Variants in SLC9C2 observed in about 807,000 individuals in gnomAD.
SLC9C2 encodes the protein solute carrier family 9 member C2 (putative).
SLC9C2 carries 75 observed loss-of-function variants against 140.2 expected under a neutral mutation model. That is an observed-to-expected ratio of 0.53 (90% CI 0.44 to 0.65). SLC9C2 has a LOEUF of 0.65. SLC9C2 is among the 30% of genes least tolerant of loss of function. SLC9C2 has a pLI of 0.00. For synonymous variants in SLC9C2, 375 were observed against 420.9 expected, an observed-to-expected ratio of 0.89 and a Z score of 1.34; for missense variants, 1,074 against 1,331.8, an observed-to-expected ratio of 0.81 and a Z score of 3.01.
chr1:173,526,229 G>T (rs1211370819), intron 19 of SLC9C2, among the ~76,000 whole-genome samples: 2 of 152,204 alleles, frequency 1.3e-5, no homozygotes, highest in African/African-American at 4.8e-5. Context: ...CTCAGGAAAT[G>T]ACATTCGTTG....
intron 25 of SLC9C2, among the ~76,000 whole-genome samples, chr1:173,505,590 AGCAG>A (rs1327633649): frequency 6.6e-6 from 1 of 152,186 alleles, no homozygotes; most frequent in Non-Finnish European, 1.5e-5. Flanking sequence ...CAGTTTGGAA[AGCAG>A]GGAATCCCCA....
At position 173,503,329 on chromosome 1, in the gene SLC9C2, A is replaced by G; in HGVS notation, c.3311-3T>C. The G allele has an allele frequency of 6.2e-7, 1 of 1,612,984 alleles. No individual in the cohort carries two copies. The highest frequency in any genetic ancestry group is 8.5e-7 in the Non-Finnish European group (1 of 1,179,462). On this transcript the variant is annotated splice_region_variant and splice_polypyrimidine_tract_variant and intron_variant, in intron 26 of 27. Coordinates refer to ENST00000367714, the MANE Select transcript of SLC9C2 (RefSeq NM_178527.4). ...TTCAAAGACCGTGTTGACTGAGGCT[A>G]ACCAAATCCAAGCATTGAACAGAAA...
intron 9 of SLC9C2, among the ~76,000 whole-genome samples, chr1:173,568,222 T>C (rs1664615096): frequency 6.6e-6 from 1 of 152,188 alleles, no homozygotes; most frequent in Non-Finnish European, 1.5e-5. Context: ...TATTATTTCA[T>C]CATGAAGGTA....
intron 8 of SLC9C2, among the ~76,000 whole-genome samples, chr1:173,575,262 T>C (rs1465193291): frequency 6.6e-6 from 1 of 152,158 alleles, no homozygotes; most frequent in Non-Finnish European, 1.5e-5. Context: ...GGAGCACTTC[T>C]GAGAAGGGAC....
intron 18 of SLC9C2, among the ~76,000 whole-genome samples, chr1:173,527,395 G>A (rs1374348365): frequency 2.0e-5 from 3 of 152,142 alleles, no homozygotes; most frequent in East Asian, 3.8e-4. Flanking sequence ...ATTTGGCAGT[G>A]AGCCAAGTGA....
intron 9 of SLC9C2, among the ~76,000 whole-genome samples, chr1:173,567,691 C>T (rs889624437): frequency 6.6e-6 from 1 of 152,018 alleles, no homozygotes; most frequent in South Asian, 2.1e-4. Flanking sequence ...CTTACTGCTA[C>T]TATTTTGTTA....
At chr1:173,531,509 C>T (rs532369924) in intron 17 of SLC9C2, among the ~76,000 whole-genome samples, 45 of 152,300 alleles carry the variant, frequency 3.0e-4, no homozygotes, top group Non-Finnish European at 4.9e-4. Context: ...TAGCTCACTG[C>T]AACCATGGCA....
At chr1:173,507,204 G>A (rs1046946667) in intron 24 of SLC9C2, among the ~76,000 whole-genome samples, 163 bp from the exon 25 acceptor site, 8 of 152,158 alleles carry the variant, frequency 5.3e-5, no homozygotes, top group African/African-American at 1.9e-4. Flanking sequence ...AATGGCCTCT[G>A]ACAAATTTCT....
intron 13 of SLC9C2, among the ~76,000 whole-genome samples, chr1:173,540,616 T>A (rs1216723389): frequency 6.6e-6 from 1 of 152,168 alleles, no homozygotes; most frequent in Non-Finnish European, 1.5e-5. Flanking sequence ...CTGGCCAGGC[T>A]GTCACCTGAG....
chr1:173,557,084 AC>A (rs746296879), intron 10 of SLC9C2, among the ~76,000 whole-genome samples: 2 of 152,232 alleles, frequency 1.3e-5, no homozygotes, highest in Non-Finnish European at 2.9e-5. Context: ...CCTCAAGATC[AC>A]CCAGCCTGTG....
In SLC9C2 at chr1:173,550,444, A is replaced by ATT. The variant is rs1382249001; in HGVS notation, c.1298-1894_1298-1893dup. Among the ~76,000 whole-genome samples, 219 of 129,302 alleles carry ATT rather than the reference A, an allele frequency of 1.7e-3. 3 individuals carry two copies. Among genetic ancestry groups the ATT allele is most frequent in the African/African-American group, 4.3e-3 (130 of 30,182 alleles). The allele number at this position is 129,302 out of a possible 152,430, so 84.8% of individuals were successfully genotyped here. ...ATTTTATTTATTTATTTATTTATTT[A>ATT]TTTATTTATTTTTGAGGAGGAGTTT... On this transcript the variant is annotated intron_variant, in intron 11 of 27. Transcript: ENST00000367714.
intron 8 of SLC9C2, among the ~76,000 whole-genome samples, chr1:173,575,308 C>T (rs561290424): frequency 7.9e-5 from 12 of 152,192 alleles, no homozygotes; most frequent in African/African-American, 2.9e-4. Context: ...ATGCAACATC[C>T]AGACCACACC....
At chr1:173,554,835 T>C in intron 10 of SLC9C2, 21 bp from the exon 11 acceptor site, 2 of 1,400,136 alleles carry the variant, frequency 1.4e-6, no homozygotes, top group Non-Finnish European at 2.0e-6. Flanking sequence ...AGCACATAAA[T>C]AGTTAGAACC....
chr1:173,554,484 C>T (rs1663538266), intron 11 of SLC9C2, among the ~76,000 whole-genome samples: 1 of 152,148 alleles, frequency 6.6e-6, no homozygotes, highest in Non-Finnish European at 1.5e-5. Flanking sequence ...CCATCTCACA[C>T]TTCTGGACTT....
At chr1:173,521,696 CTGATA>C (rs1660833063) in intron 21 of SLC9C2, among the ~76,000 whole-genome samples, 1 of 151,296 alleles carries the variant, frequency 6.6e-6, no homozygotes, top group African/African-American at 2.4e-5. Context: ...AGCATAGTAA[CTGATA>C]TAACTATGGA....
At chr1:173,600,692 T>C (rs1403485829) in intron 2 of SLC9C2, among the ~76,000 whole-genome samples, 1 of 152,122 alleles carries the variant, frequency 6.6e-6, no homozygotes, top group Non-Finnish European at 1.5e-5. Flanking sequence ...CAGATAAAGA[T>C]ATGTTTTTTA....
At chr1:173,541,536 C>T (rs986030742) in intron 13 of SLC9C2, among the ~76,000 whole-genome samples, 1 of 152,160 alleles carries the variant, frequency 6.6e-6, no homozygotes, top group African/African-American at 2.4e-5. Flanking sequence ...AACTCTCCAC[C>T]CCAAATCAAC....
chr1:173,560,336 G>A (rs533393546), intron 9 of SLC9C2, among the ~76,000 whole-genome samples: 1 of 152,330 alleles, frequency 6.6e-6, no homozygotes, highest in South Asian at 2.1e-4. Context: ...GTAGGGATTT[G>A]AGGATTTAAG....
chr1:173,536,252 A>G (rs964013728), intron 14 of SLC9C2, among the ~76,000 whole-genome samples: 2 of 152,144 alleles, frequency 1.3e-5, no homozygotes, highest in Admixed American at 6.5e-5. Flanking sequence ...AACCCTCTCC[A>G]AGGCCCTGAA....
Sources: gnomAD v4.1 joint callset for allele counts (sites outside exome capture counted in the v4.1 genomes callset) on GRCh38, gnomAD v4.1.1 for gene constraint, MANE v1.5 for transcripts, NCBI Gene and HGNC (gene_info 2026-07-23, HGNC 2026-07-21) for gene names.